CADPS: variants seen among roughly 807,000 people sequenced by gnomAD.
CADPS encodes the protein calcium-dependent secretion activator 1.
A neutral mutation model predicts 167.3 loss-of-function variants in CADPS; 57 were observed. That is an observed-to-expected ratio of 0.34 (90% CI 0.28 to 0.42). CADPS has a LOEUF of 0.42. Among genes scored for constraint, CADPS ranks in the 20% least tolerant of loss-of-function variants. CADPS has a pLI of 1.00. For missense variants in CADPS, 1,414 were observed against 1,738.1 expected, an observed-to-expected ratio of 0.81 and a Z score of 3.32; for synonymous variants, 676 against 635.3, an observed-to-expected ratio of 1.06 and a Z score of -0.96.
chr3:62,532,061 A>G (rs2073813271), intron 13 of CADPS, among the ~76,000 whole-genome samples: 1 of 152,198 alleles, frequency 6.6e-6, no homozygotes, highest in South Asian at 2.1e-4. Flanking sequence ...TGTTATCATC[A>G]TCTTTGCCTT....
chr3:62,552,933 C>T (rs780021006), intron 10 of CADPS, among the ~76,000 whole-genome samples: 3 of 152,034 alleles, frequency 2.0e-5, no homozygotes, highest in Non-Finnish European at 2.9e-5. Context: ...CTGGGAAAAT[C>T]TGATGAACCT....
chr3:62,570,794 T>C (rs2081147586), intron 9 of CADPS, 78 bp downstream of exon 9: 4 of 947,110 alleles, frequency 4.2e-6, no homozygotes, highest in Non-Finnish European at 6.9e-6. Context: ...ATTTAAGTTA[T>C]ACCTCAGTTA....
intron 3 of CADPS, among the ~76,000 whole-genome samples, chr3:62,667,422 T>G (rs2150651455): frequency 6.6e-6 from 1 of 152,122 alleles, no homozygotes; most frequent in South Asian, 2.1e-4. Flanking sequence ...GCCAAAGTCG[T>G]GACCTCTCGG....
intron 1 of CADPS, among the ~76,000 whole-genome samples, chr3:62,792,084 C>A (rs2092994257): frequency 6.6e-6 from 1 of 152,158 alleles, no homozygotes; most frequent in Non-Finnish European, 1.5e-5. Flanking sequence ...TCCAAGAATG[C>A]ACCACTCTAA....
intron 21 of CADPS, among the ~76,000 whole-genome samples, chr3:62,484,091 T>G (rs1428103894): frequency 1.3e-5 from 2 of 152,198 alleles, no homozygotes; most frequent in African/African-American, 4.8e-5. Flanking sequence ...CATATTGTAT[T>G]TGTAAAATAT....
rs191375152 is a variant in CADPS, at chr3:62,673,405, A to G, written c.889-11011T>C. The stretch of plus-strand genomic sequence containing the variant: ...AAGTGAGTATTTAAGTGCAGAAAGG[A>G]CAGAGAATAACTGACTAAAGTGGTG... On this transcript the variant is annotated intron_variant, in intron 3 of 29. Transcript: ENST00000383710. 8.5e-5 allele frequency among the ~76,000 whole-genome samples: 13 copies of G among 152,328 alleles called. No individual in the cohort carries two copies. In the East Asian group the frequency reaches 2.5e-3, roughly 29 times the overall value.
rs557706283 is a variant in CADPS at position 62,641,166 on chromosome 3, A to G, written c.1325+4556T>C. Among the ~76,000 whole-genome samples the G allele has an allele frequency of 1.2e-4, 18 of 152,322 alleles. No individual in the cohort carries two copies. The East Asian group carries it at 3.5e-3, about 29-fold the overall frequency. ...AAAAGACAAAACAGCACCACCAGCCATGAATGGAAGGTAAGCGTAATGGGA... is the reference window on the plus strand; with the variant it reads ...AAAAGACAAAACAGCACCACCAGCCGTGAATGGAAGGTAAGCGTAATGGGA... On this transcript the variant is annotated intron_variant, in intron 6 of 29. Coordinates refer to ENST00000383710, the MANE Select transcript of CADPS (RefSeq NM_003716.4).
intron 1 of CADPS, among the ~76,000 whole-genome samples, chr3:62,859,981 A>T (rs553538716): frequency 6.6e-6 from 1 of 152,262 alleles, no homozygotes; most frequent in Admixed American, 6.5e-5. Flanking sequence ...ACTCAGAGGT[A>T]CAGATCATTT....
intron 1 of CADPS, among the ~76,000 whole-genome samples, chr3:62,815,159 A>G (rs932314264): frequency 3.9e-5 from 6 of 152,154 alleles, no homozygotes; most frequent in African/African-American, 1.4e-4. Flanking sequence ...TAAGTTCAAG[A>G]TTAATCATGG....
chr3:62,794,706 G>C (rs570022877), intron 1 of CADPS, among the ~76,000 whole-genome samples: 4 of 150,218 alleles, frequency 2.7e-5, no homozygotes, highest in African/African-American at 9.9e-5. Flanking sequence ...CTAAGGATGG[G>C]AGGGCCCCGC....
intron 3 of CADPS, among the ~76,000 whole-genome samples, chr3:62,695,523 A>T (rs998537898): frequency 6.6e-6 from 1 of 152,222 alleles, no homozygotes; most frequent in South Asian, 2.1e-4. Context: ...TTACCTGACT[A>T]TCCTCTCTAA....
chr3:62,587,413 C>T (rs182018040), intron 7 of CADPS, among the ~76,000 whole-genome samples: 2 of 152,302 alleles, frequency 1.3e-5, no homozygotes, highest in Non-Finnish European at 1.5e-5. Context: ...TACCACATCC[C>T]GAGGCCTGAC....
chr3:62,661,151 T>C (rs2073113828), intron 4 of CADPS, among the ~76,000 whole-genome samples: 1 of 152,202 alleles, frequency 6.6e-6, no homozygotes, highest in Admixed American at 6.5e-5. Context: ...TAATGGTAGA[T>C]AACACTTAGC....
chr3:62,648,466 G>A (rs553645994), intron 5 of CADPS, among the ~76,000 whole-genome samples: 5 of 152,084 alleles, frequency 3.3e-5, no homozygotes, highest in African/African-American at 1.2e-4. Flanking sequence ...TAGATGGCAT[G>A]AGTCCAGGAG....
Position 62,554,839 on chromosome 3 carries a change from G to A in CADPS, c.1753+2566C>T, listed in dbSNP as rs573493697. Reference sequence around the variant, plus strand: ...GCAGTCTTGGCTCACTGCAACCTCTGCCTCCCAGGTTCAAGCGATTCTCCT... The same window carrying A: ...GCAGTCTTGGCTCACTGCAACCTCTACCTCCCAGGTTCAAGCGATTCTCCT... On this transcript the variant is annotated intron_variant, in intron 10 of 29. Transcript: ENST00000383710. Among the ~76,000 whole-genome samples the A allele has an allele frequency of 3.3e-5, 5 of 152,248 alleles. No individual in the cohort carries two copies. In the East Asian group the frequency reaches 9.7e-4, roughly 29 times the overall value.
chr3:62,567,165 T>C (rs1360063940), intron 9 of CADPS, among the ~76,000 whole-genome samples: 1 of 152,174 alleles, frequency 6.6e-6, no homozygotes, highest in African/African-American at 2.4e-5. Flanking sequence ...CCTCTTGTTT[T>C]TCCTGCAGAG....
intron 1 of CADPS, among the ~76,000 whole-genome samples, chr3:62,864,630 G>T (rs1177624494): frequency 6.6e-6 from 1 of 152,000 alleles, no homozygotes; most frequent in Non-Finnish European, 1.5e-5. Flanking sequence ...ATATCTCTGG[G>T]TCCAGATTTC....
At chr3:62,641,051 T>A (rs960977062) in intron 6 of CADPS, among the ~76,000 whole-genome samples, 8 of 152,190 alleles carry the variant, frequency 5.3e-5, no homozygotes, top group African/African-American at 1.9e-4. Flanking sequence ...CCACCTGTGC[T>A]ATTATTTACT....
intron 13 of CADPS, among the ~76,000 whole-genome samples, chr3:62,529,500 A>G (rs535981777): frequency 6.6e-6 from 1 of 152,300 alleles, no homozygotes; most frequent in Admixed American, 6.5e-5. Flanking sequence ...AGGCACCTAC[A>G]ACATTCTGCA....
Sources: allele counts gnomAD v4.1 joint callset (sites outside exome capture counted in the v4.1 genomes callset), GRCh38; gene constraint gnomAD v4.1.1; transcripts MANE v1.5; gene names NCBI Gene and HGNC (gene_info 2026-07-23, HGNC 2026-07-21).